LRRFIP1: variants seen among roughly 807,000 people sequenced by gnomAD.
LRRFIP1 encodes LRR binding FLII interacting protein 1.
Under a neutral mutation model 104.4 loss-of-function variants are expected in LRRFIP1, and 62 were observed. The ratio of observed to expected loss-of-function variants is 0.59; its 90% CI spans 0.48 to 0.73. The LOEUF is 0.73. Ranked by LOEUF, LRRFIP1 falls within the 30% of genes least tolerant of loss-of-function variation. LRRFIP1 has a pLI of 0.00. For missense variants in LRRFIP1, 796 were observed against 824.5 expected, an observed-to-expected ratio of 0.97 and a Z score of 0.42; for synonymous variants, 300 against 299.0, an observed-to-expected ratio of 1.00 and a Z score of -0.03.
intron 1 of LRRFIP1, among the ~76,000 whole-genome samples, chr2:237,638,702 A>C (rs544783601): frequency 3.9e-4 from 60 of 152,372 alleles, no homozygotes; most frequent in African/African-American, 1.4e-3. Context: ...ACTTTACCAC[A>C]GTGCATTTAA....
intron 1 of LRRFIP1, among the ~76,000 whole-genome samples, chr2:237,648,234 CAG>C (rs1371226130): frequency 6.6e-6 from 1 of 151,902 alleles, no homozygotes; most frequent in Admixed American, 6.6e-5. Flanking sequence ...GCAGCCAACT[CAG>C]CACCCGTGTT....
chr2:237,690,989 C>T (rs2092718179), intron 1 of LRRFIP1, among the ~76,000 whole-genome samples: 1 of 151,676 alleles, frequency 6.6e-6, no homozygotes, highest in South Asian at 2.1e-4. Flanking sequence ...AGTCGTCCTT[C>T]GGCTCCTCAG....
In LRRFIP1 at chr2:237,628,647, T is replaced by G. The variant is rs535184562; in HGVS notation, c.96+907T>G. 5.3e-5 allele frequency among the ~76,000 whole-genome samples: 8 copies of G among 152,300 alleles called. No individual in the cohort carries two copies. In the South Asian group the frequency reaches 1.7e-3, roughly 32 times the overall value. On this transcript the variant is annotated intron_variant, in intron 1 of 23. Transcript: ENST00000308482. ...GGTGGGTGTATGAATGCAAAGAAAG[T>G]CTCTGCCTTGTAACCCGCCTTACAG...
chr2:237,636,305 G>T, intron 1 of LRRFIP1, among the ~76,000 whole-genome samples: 1 of 143,926 alleles, frequency 6.9e-6, no homozygotes, highest in Admixed American at 6.9e-5. Context: ...AGTAATTTCT[G>T]TAAGACAGAA....
intron 19 of LRRFIP1, chr2:237,763,729 T>A: frequency 6.2e-7 from 1 of 1,614,232 alleles, no homozygotes; most frequent in Non-Finnish European, 8.5e-7. Context: ...AGGTACTAGC[T>A]GATGGAGACA....
chr2:237,692,890 G>T (rs1026392698), intron 1 of LRRFIP1, among the ~76,000 whole-genome samples: 8 of 152,272 alleles, frequency 5.3e-5, no homozygotes, highest in African/African-American at 1.9e-4. Flanking sequence ...CAAGGACCGG[G>T]TGGCCAGAGC....
At chr2:237,676,618 G>T (rs2091199693) in intron 1 of LRRFIP1, among the ~76,000 whole-genome samples, 1 of 152,142 alleles carries the variant, frequency 6.6e-6, no homozygotes, top group Non-Finnish European at 1.5e-5. Flanking sequence ...GGATTCCCGT[G>T]CCTCAGCCTC....
intron 1 of LRRFIP1, among the ~76,000 whole-genome samples, chr2:237,650,750 C>T (rs1015097291): frequency 1.3e-5 from 2 of 152,182 alleles, no homozygotes; most frequent in Non-Finnish European, 2.9e-5. Flanking sequence ...ATGCCTTCTG[C>T]AAGTAGAGCC....
At chr2:237,682,936 G>T (rs1050261182) in intron 1 of LRRFIP1, among the ~76,000 whole-genome samples, 3 of 152,236 alleles carry the variant, frequency 2.0e-5, no homozygotes, top group Admixed American at 6.5e-5. Flanking sequence ...TGGGCACCTC[G>T]GATGCAGGTA....
chr2:237,679,888 A>G lies in LRRFIP1; in HGVS notation c.97-28656A>G, dbSNP rs139737140. Among the ~76,000 whole-genome samples the G allele has an allele frequency of 8.5e-3, 1,300 of 152,310 alleles. 16 individuals carry two copies. Among genetic ancestry groups the G allele is most frequent in the African/African-American group, 0.025 (1,057 of 41,568 alleles). On this transcript the variant is annotated intron_variant, in intron 1 of 23. Coordinates refer to ENST00000308482, the MANE Select transcript of LRRFIP1 (RefSeq NM_001137550.2). ...CTCCCAAAGTGCTGGGATTACAGGC[A>G]TGAGCCACCGCGCCCAGCCTGATTT...
Position 237,720,777 on chromosome 2 carries a change from T to C in LRRFIP1, c.300T>C (p.Ser100=). 1 of 1,614,040 alleles carries C rather than the reference T, an allele frequency of 6.2e-7. No homozygotes were observed. Among genetic ancestry groups the C allele is most frequent in the South Asian group, 1.1e-5 (1 of 91,082 alleles). Reference sequence around the variant, plus strand: ...CTCGTCCTTTCTTTTAATAGGCTTCTGATGAAGACGAGCGCATGTCAGTGG... The same window carrying C: ...CTCGTCCTTTCTTTTAATAGGCTTCCGATGAAGACGAGCGCATGTCAGTGG... The part of the protein sequence containing the change: ...SRRSRRNTSA[S]DEDERMSVGS... The change falls in exon 6 of 24, where the codon TCT becomes TCC. Residue 100 remains serine, a synonymous_variant. Transcript: ENST00000308482.
chr2:237,655,827 T>C (rs1293164371), intron 1 of LRRFIP1, among the ~76,000 whole-genome samples: 1 of 152,242 alleles, frequency 6.6e-6, no homozygotes, highest in South Asian at 2.1e-4. Flanking sequence ...TCAATGGAGA[T>C]AATTAAAGAC....
At chr2:237,631,807 A>G (rs2082378131) in intron 1 of LRRFIP1, among the ~76,000 whole-genome samples, 1 of 152,240 alleles carries the variant, frequency 6.6e-6, no homozygotes, top group Admixed American at 6.5e-5. Context: ...CGCAGGCTGC[A>G]TTAGGAACTC....
At chr2:237,762,979 T>C (rs1208496233) in intron 19 of LRRFIP1, 16 of 1,614,134 alleles carry the variant, frequency 9.9e-6, no homozygotes, top group Non-Finnish European at 1.4e-5. Flanking sequence ...ACACAGAGAA[T>C]GTGGGAGAGG....
At chr2:237,733,536 TG>T (rs1030051817) in intron 8 of LRRFIP1, among the ~76,000 whole-genome samples, 3 of 152,242 alleles carry the variant, frequency 2.0e-5, no homozygotes, top group African/African-American at 7.2e-5. Context: ...GTTTTAAAGA[TG>T]CTGGGAAGTT....
At chr2:237,678,492 A>G (rs1327891380) in intron 1 of LRRFIP1, among the ~76,000 whole-genome samples, 1 of 151,920 alleles carries the variant, frequency 6.6e-6, no homozygotes, top group Non-Finnish European at 1.5e-5. Flanking sequence ...TTTAGATTAA[A>G]TTATCCTGAA....
At chr2:237,763,627 C>T (rs2060079174) in intron 19 of LRRFIP1, 1 of 1,613,752 alleles carries the variant, frequency 6.2e-7, no homozygotes. Context: ...CAGCAGAAAG[C>T]AGTGAAAATG....
chr2:237,760,551 A>G (rs1287218528), intron 19 of LRRFIP1, among the ~76,000 whole-genome samples: 1 of 152,234 alleles, frequency 6.6e-6, no homozygotes, highest in East Asian at 1.9e-4. Flanking sequence ...ATATATCTGT[A>G]CCTATAAAGT....
chr2:237,700,266 C>T (rs1299352151), intron 1 of LRRFIP1, among the ~76,000 whole-genome samples: 3 of 152,144 alleles, frequency 2.0e-5, no homozygotes, highest in Non-Finnish European at 2.9e-5. Context: ...GGGTACACCA[C>T]GGCCCCTCCA....
Sources: allele counts gnomAD v4.1 joint callset (sites outside exome capture counted in the v4.1 genomes callset), GRCh38; gene constraint gnomAD v4.1.1; transcripts MANE v1.5; gene names NCBI Gene and HGNC (gene_info 2026-07-23, HGNC 2026-07-21).